The following DDR2 variants were observed in gnomAD, a reference collection of about 807,000 sequenced individuals.
The protein encoded by DDR2 is discoidin domain receptor tyrosine kinase 2, also known as discoidin domain-containing receptor 2.
DDR2 carries 27 observed loss-of-function variants against 94.9 expected under a neutral mutation model. The ratio of observed to expected loss-of-function variants is 0.28; its 90% CI spans 0.21 to 0.39. The LOEUF (loss-of-function observed/expected upper bound fraction) is 0.39. DDR2 is among the 10% of genes least tolerant of loss of function. DDR2 has a pLI of 1.00. For synonymous variants in DDR2, 382 were observed against 377.2 expected, an observed-to-expected ratio of 1.01 and a Z score of -0.15; for missense variants, 783 against 1,076.0, an observed-to-expected ratio of 0.73 and a Z score of 3.81.
At chr1:162,642,082 G>A (rs887233493) in intron 1 of DDR2, among the ~76,000 whole-genome samples, 2 of 150,392 alleles carry the variant, frequency 1.3e-5, no homozygotes, top group Non-Finnish European at 3.0e-5. Context: ...CTCAGCCTCC[G>A]AAGTAGCTGG....
At chr1:162,779,023 A>G (rs778165213) in intron 17 of DDR2, among the ~76,000 whole-genome samples, 8 of 152,296 alleles carry the variant, frequency 5.3e-5, no homozygotes, top group Non-Finnish European at 7.3e-5. Flanking sequence ...TGATTTATCT[A>G]TTTCTTGATC....
chr1:162,687,280 G>C (rs1432726331), intron 2 of DDR2, among the ~76,000 whole-genome samples: 1 of 152,216 alleles, frequency 6.6e-6, no homozygotes, highest in Non-Finnish European at 1.5e-5. Flanking sequence ...GCTCTTTCTT[G>C]TATGCCCAGT....
chr1:162,747,484 G>T (rs748440883), intron 3 of DDR2, among the ~76,000 whole-genome samples: 39 of 151,920 alleles, frequency 2.6e-4, no homozygotes, highest in Non-Finnish European at 4.6e-4. Flanking sequence ...AAGCCTCCAA[G>T]AAATATGAGA....
chr1:162,755,630 A>C (rs1663426486), intron 6 of DDR2, 34 bp from the exon 7 acceptor site: 1 of 1,585,832 alleles, frequency 6.3e-7, no homozygotes. Context: ...GGGCCTGAGC[A>C]GTAGGCACTC....
intron 7 of DDR2, among the ~76,000 whole-genome samples, chr1:162,757,810 G>T (rs1248260852): frequency 6.6e-6 from 1 of 152,148 alleles, no homozygotes; most frequent in Non-Finnish European, 1.5e-5. Flanking sequence ...CCATAACCGT[G>T]ACTGTGGGGA....
upstream of DDR2, among the ~76,000 whole-genome samples, chr1:162,631,184 G>C (rs1236174071): frequency 1.3e-3 from 3 of 2,390 alleles, no homozygotes; most frequent in Non-Finnish European, 5.2e-3. Flanking sequence ...CACCCTCATT[G>C]TGTGTGTGTG....
chr1:162,779,866 G>T (rs996576118), intron 17 of DDR2, among the ~76,000 whole-genome samples: 2 of 152,042 alleles, frequency 1.3e-5, no homozygotes, highest in Non-Finnish European at 2.9e-5. Context: ...ACCACATAAT[G>T]GCCCATCAAA....
intron 14 of DDR2, among the ~76,000 whole-genome samples, chr1:162,775,143 G>A (rs1418712615): frequency 2.6e-5 from 4 of 151,934 alleles, no homozygotes; most frequent in East Asian, 3.9e-4. Flanking sequence ...CTGATGGTTC[G>A]TACTGCATTA....
At chr1:162,771,880 C>A (rs954667135) in intron 12 of DDR2, 144 bp from the exon 13 acceptor site, 15 of 841,380 alleles carry the variant, frequency 1.8e-5, no homozygotes, top group Non-Finnish European at 2.9e-5. Context: ...CTAGAGGAAG[C>A]AAAACCATTT....
At chr1:162,730,996 G>T (rs1662022723) in intron 3 of DDR2, among the ~76,000 whole-genome samples, 1 of 152,192 alleles carries the variant, frequency 6.6e-6, no homozygotes, top group South Asian at 2.1e-4. Flanking sequence ...GGCTACAGAA[G>T]TTCCCTCACC....
At chr1:162,702,622 A>T (rs1459806367) in intron 2 of DDR2, among the ~76,000 whole-genome samples, 1 of 152,196 alleles carries the variant, frequency 6.6e-6, no homozygotes, top group Non-Finnish European at 1.5e-5. Flanking sequence ...ATGATTCTCA[A>T]TCTTTATGCC....
intron 2 of DDR2, among the ~76,000 whole-genome samples, chr1:162,715,279 T>G (rs1661115558): frequency 2.6e-5 from 4 of 152,108 alleles, no homozygotes; most frequent in Admixed American, 2.6e-4. Flanking sequence ...GAATACAAAT[T>G]AAACAATCAC....
At chr1:162,658,661 A>AT (rs1658136890) in intron 2 of DDR2, among the ~76,000 whole-genome samples, 1 of 126,714 alleles carries the variant, frequency 7.9e-6, no homozygotes, top group Non-Finnish European at 1.7e-5. Context: ...CCTTGTCTGT[A>AT]CAAAAAAAAA....
intron 2 of DDR2, among the ~76,000 whole-genome samples, chr1:162,682,463 G>C (rs986234584): frequency 6.6e-6 from 1 of 152,244 alleles, no homozygotes; most frequent in Non-Finnish European, 1.5e-5. Context: ...AGTGGGATTA[G>C]AGTTCACTGA....
rs1217408912 is a variant in DDR2, at chr1:162,781,166, T to C, written c.*920T>C. 1 of 152,226 alleles carries C rather than the reference T, an allele frequency of 6.6e-6. No homozygotes were observed. Among genetic ancestry groups the C allele is most frequent in the African/African-American group, 2.4e-5 (1 of 41,464 alleles). 9.4% of individuals were successfully genotyped at this position (152,226 alleles called of 1,614,324 possible). On this transcript the variant is annotated 3_prime_UTR_variant, in exon 18 of 18. Coordinates refer to ENST00000367921, the MANE Select transcript of DDR2 (RefSeq NM_006182.4). ...TTTTTAATCAGTAAAGTCTGATGTT[T>C]TGATATCTTGATGTTTTGATGGTAG... is the stretch of plus-strand genomic sequence containing the variant.
intron 1 of DDR2, among the ~76,000 whole-genome samples, chr1:162,646,998 TA>T (rs951461929): frequency 6.6e-5 from 10 of 152,120 alleles, no homozygotes; most frequent in Non-Finnish European, 1.2e-4. Context: ...GTCAAATAAG[TA>T]AAAGAATGAA....
At chr1:162,634,482 C>T (rs1188242049) in intron 1 of DDR2, among the ~76,000 whole-genome samples, 5 of 152,168 alleles carry the variant, frequency 3.3e-5, no homozygotes, top group Non-Finnish European at 7.3e-5. Context: ...AAACACAGAA[C>T]GTCATATGAG....
At chr1:162,779,459 G>C (rs537235313) in intron 17 of DDR2, among the ~76,000 whole-genome samples, 53 of 152,268 alleles carry the variant, frequency 3.5e-4, no homozygotes, top group African/African-American at 1.2e-3. Flanking sequence ...TAATAGCTGG[G>C]GGAAGGATCT....
chr1:162,656,061 G>A (rs1205027939), intron 2 of DDR2, among the ~76,000 whole-genome samples: 2 of 152,198 alleles, frequency 1.3e-5, no homozygotes, highest in Non-Finnish European at 1.5e-5. Flanking sequence ...TCTGCTGCAG[G>A]TGAATTTTGG....
Sources: allele counts gnomAD v4.1 joint callset (sites outside exome capture counted in the v4.1 genomes callset), GRCh38; gene constraint gnomAD v4.1.1; transcripts MANE v1.5; gene names NCBI Gene and HGNC (gene_info 2026-07-23, HGNC 2026-07-21).